Variants in TCF4 observed in about 807,000 individuals in gnomAD.
The protein encoded by TCF4 is transcription factor 4.
TCF4 carries 3 observed loss-of-function variants against 82.1 expected under a neutral mutation model. The ratio of observed to expected loss-of-function variants is 0.04; its 90% CI spans 0.02 to 0.09. TCF4 has a LOEUF of 0.09. Ranked by LOEUF, TCF4 falls within the 10% of genes least tolerant of loss-of-function variation. The probability of loss-of-function intolerance (pLI) is 1.00; values close to 1 mark genes in which losing one functional copy is unlikely to be tolerated. For synonymous variants in TCF4, 276 were observed against 309.6 expected (o/e 0.89, Z 1.14); for missense variants, 518 against 852.7 (o/e 0.61, Z 4.89).
chr18:55,256,036 G>C (rs1207613347), intron 14 of TCF4, among the ~76,000 whole-genome samples: 3 of 152,102 alleles, frequency 2.0e-5, no homozygotes, highest in Admixed American at 2.0e-4. Flanking sequence ...ATTTGGCCTT[G>C]GAAAAGTTAC....
intron 2 of TCF4, among the ~76,000 whole-genome samples, chr18:55,631,121 C>A (rs1214742457): frequency 1.3e-5 from 2 of 150,590 alleles, no homozygotes; most frequent in Non-Finnish European, 2.9e-5. Flanking sequence ...ATGATCTCGA[C>A]TCACTGCAAC....
intron 3 of TCF4, among the ~76,000 whole-genome samples, chr18:55,477,582 A>G (rs1355488845): frequency 6.6e-6 from 1 of 152,224 alleles, no homozygotes; most frequent in Non-Finnish European, 1.5e-5. Context: ...GCATACTGCA[A>G]CACCATTTCA....
At chr18:55,519,955 T>C (rs545035784) in intron 3 of TCF4, among the ~76,000 whole-genome samples, 13 of 152,298 alleles carry the variant, frequency 8.5e-5, no homozygotes, top group Admixed American at 7.2e-4. Context: ...AGCAGGGAAT[T>C]GAAAATTCAG....
At chr18:55,246,984 T>C (rs2053461431) in intron 15 of TCF4, among the ~76,000 whole-genome samples, 1 of 152,224 alleles carries the variant, frequency 6.6e-6, no homozygotes. Flanking sequence ...GAATGGCCTC[T>C]CAAACTCAGT....
intron 8 of TCF4, among the ~76,000 whole-genome samples, chr18:55,287,773 G>A (rs1029208649): frequency 6.6e-6 from 1 of 152,202 alleles, no homozygotes; most frequent in Non-Finnish European, 1.5e-5. Flanking sequence ...AAACCCTGGC[G>A]TTCTTCATGG....
chr18:55,358,096 C>T (rs372711776), intron 6 of TCF4, among the ~76,000 whole-genome samples: 12 of 152,142 alleles, frequency 7.9e-5, no homozygotes, highest in East Asian at 5.8e-4. Flanking sequence ...GAGTATATGG[C>T]GTAAAGGTCA....
intron 8 of TCF4, among the ~76,000 whole-genome samples, chr18:55,288,444 C>T (rs8090418): frequency 0.044 from 6,769 of 152,252 alleles, 288 homozygotes; most frequent in African/African-American, 0.11. Context: ...TAAAGTCACA[C>T]AGCTAATAAA....
intron 6 of TCF4, among the ~76,000 whole-genome samples, chr18:55,393,167 C>T (rs984647327): frequency 1.3e-5 from 2 of 152,096 alleles, no homozygotes; most frequent in Admixed American, 6.6e-5. Flanking sequence ...GAATTTGAGA[C>T]AGCCTGGACA....
chr18:55,521,492 C>T (rs1304397619), intron 3 of TCF4, among the ~76,000 whole-genome samples: 2 of 152,134 alleles, frequency 1.3e-5, no homozygotes, highest in Non-Finnish European at 2.9e-5. Flanking sequence ...CCTTCTTTCT[C>T]CCATGTGTTT....
intron 5 of TCF4, among the ~76,000 whole-genome samples, chr18:55,432,416 C>T (rs2095230238): frequency 7.3e-6 from 1 of 136,752 alleles, no homozygotes; most frequent in Admixed American, 7.5e-5. Context: ...GAAAACCTAG[C>T]CCCACTGAAG....
At chr18:55,342,413 C>T (rs1167963632) in intron 8 of TCF4, among the ~76,000 whole-genome samples, 2 of 152,132 alleles carry the variant, frequency 1.3e-5, no homozygotes, top group African/African-American at 4.8e-5. Flanking sequence ...TGCAATTTCA[C>T]TCCTGAATCA....
At chr18:55,598,260 C>A (rs537210282) in intron 2 of TCF4, among the ~76,000 whole-genome samples, 1 of 152,288 alleles carries the variant, frequency 6.6e-6, no homozygotes, top group East Asian at 1.9e-4. Flanking sequence ...TGGGCTGAAG[C>A]ATTAACTCTG....
At chr18:55,479,130 C>A (rs1568171692) in intron 3 of TCF4, 1 of 152,204 alleles carries the variant, frequency 6.6e-6, no homozygotes, top group Non-Finnish European at 1.5e-5. Flanking sequence ...GTTAACAAAT[C>A]AGTTCCATCT....
chr18:55,272,717 C>G (rs1412981675), intron 10 of TCF4, among the ~76,000 whole-genome samples: 1 of 151,998 alleles, frequency 6.6e-6, no homozygotes, highest in Admixed American at 6.6e-5. Context: ...TGGAGGCTCT[C>G]CCATACATGA....
chr18:55,322,955 T>C (rs2075958719), intron 8 of TCF4, among the ~76,000 whole-genome samples: 1 of 152,242 alleles, frequency 6.6e-6, no homozygotes, highest in South Asian at 2.1e-4. Context: ...TGCACATTTT[T>C]ACTAAACTTC....
chr18:55,541,780 C>A (rs1241692496), intron 3 of TCF4, among the ~76,000 whole-genome samples: 2 of 151,980 alleles, frequency 1.3e-5, no homozygotes, highest in Non-Finnish European at 2.9e-5. Context: ...TGAAGCCACA[C>A]TCATCCCTTC....
intron 8 of TCF4, chr18:55,332,433 A>G (rs1476446247): frequency 3.9e-5 from 6 of 152,238 alleles, no homozygotes; most frequent in Non-Finnish European, 7.3e-5. Flanking sequence ...TTCCATCTGT[A>G]TATCATATAT....
At chr18:55,255,637 T>C (rs1205581077) in intron 14 of TCF4, among the ~76,000 whole-genome samples, 1 of 152,194 alleles carries the variant, frequency 6.6e-6, no homozygotes, top group East Asian at 1.9e-4. Flanking sequence ...AAATATACCA[T>C]CTCATTGATC....
intron 3 of TCF4, among the ~76,000 whole-genome samples, chr18:55,569,125 T>C (rs2097436100): frequency 6.6e-6 from 1 of 151,824 alleles, no homozygotes; most frequent in Non-Finnish European, 1.5e-5. Flanking sequence ...TCACTATTCA[T>C]GGTGAAAATC....
Sources: allele counts gnomAD v4.1 joint callset (sites outside exome capture counted in the v4.1 genomes callset), GRCh38; gene constraint gnomAD v4.1.1; transcripts MANE v1.5; gene names NCBI Gene and HGNC (gene_info 2026-07-23, HGNC 2026-07-21).